The following ZNF365 variants were observed in gnomAD, a reference collection of about 807,000 sequenced individuals.
ZNF365 encodes protein ZNF365.
ZNF365 carries 22 observed loss-of-function variants against 35.0 expected under a neutral mutation model. That is an observed-to-expected ratio of 0.63 (90% CI 0.45 to 0.90). ZNF365 has a LOEUF of 0.90. ZNF365 is among the 40% of genes least tolerant of loss of function. ZNF365 has a pLI of 0.00. For synonymous variants in ZNF365, 188 were observed against 196.2 expected (o/e 0.96, Z 0.35); for missense variants, 448 against 500.3 (o/e 0.90, Z 1.00).
chr10:62,452,072 A>C (rs1010808873), intron 3 of ZNF365, among the ~76,000 whole-genome samples: 1 of 152,210 alleles, frequency 6.6e-6, no homozygotes, highest in Non-Finnish European at 1.5e-5. Context: ...TGATTCCCGA[A>C]GGTCTATCTA....
chr10:62,433,605 C>T (rs190454426), intron 3 of ZNF365, among the ~76,000 whole-genome samples: 7 of 152,234 alleles, frequency 4.6e-5, no homozygotes, highest in South Asian at 2.1e-4. Context: ...TACTTGATGA[C>T]GATCCAGATT....
At chr10:62,416,516 GA>G (rs960665379) in intron 3 of ZNF365, among the ~76,000 whole-genome samples, 1 of 151,990 alleles carries the variant, frequency 6.6e-6, no homozygotes, top group Non-Finnish European at 1.5e-5. Context: ...CAGAAAATGA[GA>G]AAAAAATGGA....
At chr10:62,429,572 A>G (rs1347834769) in intron 3 of ZNF365, among the ~76,000 whole-genome samples, 1 of 152,124 alleles carries the variant, frequency 6.6e-6, no homozygotes, top group Non-Finnish European at 1.5e-5. Context: ...ATTGAGAGAG[A>G]TGGTGTTGTT....
At chr10:62,431,589 A>G (rs1840335775) in intron 3 of ZNF365, among the ~76,000 whole-genome samples, 1 of 152,174 alleles carries the variant, frequency 6.6e-6, no homozygotes, top group Non-Finnish European at 1.5e-5. Context: ...GATGGTTCCA[A>G]CCAATGCCAC....
downstream of ZNF365, among the ~76,000 whole-genome samples, chr10:62,405,311 G>A (rs147385999): frequency 2.0e-5 from 3 of 152,224 alleles, no homozygotes; most frequent in East Asian, 3.9e-4. Flanking sequence ...TTATTCTTCA[G>A]CTTTTGCCTT....
intron 4 of ZNF365, among the ~76,000 whole-genome samples, chr10:62,479,018 C>T (rs1325961121): frequency 6.6e-6 from 1 of 152,228 alleles, no homozygotes; most frequent in African/African-American, 2.4e-5. Context: ...ATATGCCTCT[C>T]TAGACATGTT....
intron 3 of ZNF365, among the ~76,000 whole-genome samples, chr10:62,394,681 A>C (rs1839692426): frequency 6.6e-6 from 1 of 152,232 alleles, no homozygotes; most frequent in South Asian, 2.1e-4. Flanking sequence ...ATTGAGGGAA[A>C]GATACAGATG....
intron 3 of ZNF365, among the ~76,000 whole-genome samples, chr10:62,454,487 T>C (rs1840731258): frequency 6.6e-6 from 1 of 152,198 alleles, no homozygotes; most frequent in African/African-American, 2.4e-5. Flanking sequence ...ATAAACATAA[T>C]TTATTTTGGT....
intron 2 of ZNF365, among the ~76,000 whole-genome samples, chr10:62,379,207 A>G (rs989037227): frequency 6.6e-6 from 1 of 151,944 alleles, no homozygotes; most frequent in Non-Finnish European, 1.5e-5. Context: ...TATTTTTAGT[A>G]GAGACGGGGT....
intron 3 of ZNF365, among the ~76,000 whole-genome samples, chr10:62,445,353 T>C (rs189115679): frequency 0.062 from 9,343 of 151,486 alleles, 372 homozygotes; most frequent in South Asian, 0.19. Context: ...ATCACCACAC[T>C]GACTTCCACA....
rs987528837 is a variant in ZNF365, at chr10:62,400,634, G to A, written c.*845G>A. 37 of 985,658 alleles carry A rather than the reference G, an allele frequency of 3.8e-5. No homozygotes were observed. Among genetic ancestry groups the A allele is most frequent in the Non-Finnish European group, 4.3e-5 (36 of 829,986 alleles). The allele number at this position is 985,658 out of a possible 1,614,324, so 61.1% of individuals were successfully genotyped here. A position where few individuals can be genotyped will look rare whatever the true frequency, so the allele number is the denominator to read the frequency against. On this transcript the variant is annotated 3_prime_UTR_variant, in exon 5 of 5. Transcript: ENST00000395254. ...TGGTTGGAATGACAGTGGACTGCAC[G>A]CTTGGTGCATCGTGCATCGTGACCA...
At position 62,402,086 on chromosome 10, in the gene ZNF365, G is replaced by T; in HGVS notation, c.*2297G>T. The T allele has an allele frequency of 1.0e-6, 1 of 985,864 alleles. No homozygotes were observed. The highest frequency in any genetic ancestry group is 1.2e-6 in the Non-Finnish European group (1 of 829,906). 61.1% of individuals were successfully genotyped at this position (985,864 alleles called of 1,614,324 possible). A position where few individuals can be genotyped will look rare whatever the true frequency, so the allele number is the denominator to read the frequency against. ...CTGAGCTAAGTACCATGTCCTGTTT[G>T]TGTCTTATTTTTAAATATTTTCTTT... On this transcript the variant is annotated 3_prime_UTR_variant, in exon 5 of 5. Transcript: ENST00000395254.
At chr10:62,445,574 CT>C (rs1840573786) in intron 3 of ZNF365, among the ~76,000 whole-genome samples, 1 of 152,128 alleles carries the variant, frequency 6.6e-6, no homozygotes, top group Non-Finnish European at 1.5e-5. Flanking sequence ...GAGATCCCAC[CT>C]ATTGAATGGC....
At chr10:62,427,805 C>T (rs7089814) in intron 3 of ZNF365, among the ~76,000 whole-genome samples, 81,293 of 151,930 alleles carry the variant, frequency 0.54, 22,976 homozygotes, top group East Asian at 0.68. Context: ...TGCTAGAAGG[C>T]GACTCCTGCA....
chr10:62,380,906 AT>A (rs1355790332), intron 2 of ZNF365, among the ~76,000 whole-genome samples: 1 of 152,156 alleles, frequency 6.6e-6, no homozygotes, highest in African/African-American at 2.4e-5. Context: ...GTAACACAAA[AT>A]TTACATATAC....
chr10:62,417,378 G>A (rs1218271391), intron 3 of ZNF365, among the ~76,000 whole-genome samples: 2 of 152,008 alleles, frequency 1.3e-5, no homozygotes, highest in South Asian at 2.1e-4. Flanking sequence ...CATAAACAGA[G>A]CCTGCTATAA....
chr10:62,447,018 A>G (rs1386153776), intron 3 of ZNF365, among the ~76,000 whole-genome samples: 2 of 152,178 alleles, frequency 1.3e-5, no homozygotes, highest in Non-Finnish European at 2.9e-5. Context: ...GTTCCTGTCA[A>G]TTAAAAACTA....
chr10:62,439,564 C>G (rs897130150), intron 3 of ZNF365, among the ~76,000 whole-genome samples: 1 of 152,102 alleles, frequency 6.6e-6, no homozygotes, highest in South Asian at 2.1e-4. Flanking sequence ...TATGTGCAAG[C>G]CCTCTAATAG....
At chr10:62,426,052 T>C (rs1840246346) in intron 3 of ZNF365, among the ~76,000 whole-genome samples, 1 of 152,082 alleles carries the variant, frequency 6.6e-6, no homozygotes, top group Non-Finnish European at 1.5e-5. Context: ...TCCCTCCCTA[T>C]ATGTTAAAGC....
Sources: gnomAD v4.1 joint callset for allele counts (sites outside exome capture counted in the v4.1 genomes callset) on GRCh38, gnomAD v4.1.1 for gene constraint, MANE v1.5 for transcripts, NCBI Gene and HGNC (gene_info 2026-07-23, HGNC 2026-07-21) for gene names.